Variants in IQCM observed in about 807,000 individuals in gnomAD.
IQCM encodes IQ domain-containing protein M.
IQCM carries 45 observed loss-of-function variants against 57.6 expected under a neutral mutation model. The ratio of observed to expected loss-of-function variants is 0.78; its 90% confidence interval spans 0.62 to 1.00. The LOEUF is 1.00. Ranked by LOEUF, IQCM falls within the 50% of genes least tolerant of loss-of-function variation. The pLI, the probability that IQCM is intolerant of heterozygous loss-of-function variation, is 0.00. For missense variants in IQCM, 468 were observed against 511.6 expected (o/e 0.91, Z 0.82); for synonymous variants, 148 against 158.9 (o/e 0.93, Z 0.51).
chr4:149,747,461 G>A (rs1050066863), intron 2 of IQCM, among the ~76,000 whole-genome samples: 13 of 152,150 alleles, frequency 8.5e-5, no homozygotes, highest in Admixed American at 2.6e-4. Flanking sequence ...TATGCAAGTA[G>A]TTCTAACACC....
chr4:149,801,707 G>A (rs1173646125), intron 2 of IQCM, among the ~76,000 whole-genome samples: 1 of 151,816 alleles, frequency 6.6e-6, no homozygotes, highest in Non-Finnish European at 1.5e-5. Flanking sequence ...TGAACCCACG[G>A]ACATAGAGAG....
intron 12 of IQCM, among the ~76,000 whole-genome samples, chr4:149,541,273 A>G (rs549020768): frequency 1.3e-5 from 2 of 152,226 alleles, no homozygotes; most frequent in African/African-American, 4.8e-5. Flanking sequence ...TGATTCATGT[A>G]ATATCTCAGG....
At chr4:149,529,543 G>A (rs1409899813) in intron 12 of IQCM, among the ~76,000 whole-genome samples, 4 of 152,134 alleles carry the variant, frequency 2.6e-5, no homozygotes, top group Admixed American at 2.6e-4. Flanking sequence ...CCATATGCTA[G>A]GCTACAGGGA....
intron 9 of IQCM, among the ~76,000 whole-genome samples, chr4:149,567,398 G>A (rs1196379582): frequency 2.0e-5 from 3 of 151,862 alleles, no homozygotes; most frequent in Admixed American, 2.0e-4. Flanking sequence ...CCAGGCCGGA[G>A]TGCAGCAGTG....
At chr4:149,613,762 T>C (rs1478670653) in intron 8 of IQCM, among the ~76,000 whole-genome samples, 1 of 152,074 alleles carries the variant, frequency 6.6e-6, no homozygotes, top group Non-Finnish European at 1.5e-5. Flanking sequence ...ATGTTTCCCT[T>C]CCCGTGTCCA....
chr4:149,669,431 T>G (rs1049959505), intron 7 of IQCM, among the ~76,000 whole-genome samples: 5 of 152,128 alleles, frequency 3.3e-5, no homozygotes, highest in Non-Finnish European at 1.5e-5. Context: ...TAGGTTGCCT[T>G]TTCACTCTGA....
intron 8 of IQCM, among the ~76,000 whole-genome samples, chr4:149,612,187 A>G (rs1272500620): frequency 6.6e-6 from 1 of 152,040 alleles, no homozygotes; most frequent in Non-Finnish European, 1.5e-5. Flanking sequence ...GTCCATTCCC[A>G]TGACTCAATT....
At chr4:149,419,784 C>T (rs946469901) in intron 13 of IQCM, among the ~76,000 whole-genome samples, 1 of 151,942 alleles carries the variant, frequency 6.6e-6, no homozygotes, top group Non-Finnish European at 1.5e-5. Flanking sequence ...GAAACTTAAA[C>T]AAATTTACAA....
At chr4:149,654,327 G>T (rs1238304400) in intron 7 of IQCM, among the ~76,000 whole-genome samples, 1 of 152,026 alleles carries the variant, frequency 6.6e-6, no homozygotes, top group African/African-American at 2.4e-5. Flanking sequence ...GAGGTGTTTG[G>T]GCCATGGGGG....
At position 149,520,790 on chromosome 4, in the gene IQCM, C is replaced by T. The variant is rs545131966; in HGVS notation, c.1228+27665G>A. 1.4e-4 allele frequency among the ~76,000 whole-genome samples: 21 copies of T among 152,232 alleles called. 1 individual carries two copies. The highest frequency in any genetic ancestry group is 4.8e-4 in the African/African-American group (20 of 41,538). ...AAGTCTTTCCCAGTTATGTTAGAGT[C>T]TCCAGAAGATATACCACATACCTGT... On this transcript the variant is annotated intron_variant, in intron 12 of 13. Transcript: ENST00000636793.
intron 7 of IQCM, among the ~76,000 whole-genome samples, chr4:149,676,243 A>C (rs1761740624): frequency 6.6e-6 from 1 of 152,068 alleles, no homozygotes; most frequent in South Asian, 2.1e-4. Context: ...GGCTACAGTT[A>C]TTGTATTTAC....
chr4:149,692,008 C>T (rs191480663), intron 5 of IQCM, among the ~76,000 whole-genome samples: 1 of 152,124 alleles, frequency 6.6e-6, no homozygotes, highest in Non-Finnish European at 1.5e-5. Flanking sequence ...ACAGCAGAGA[C>T]AATTAGTACT....
intron 13 of IQCM, among the ~76,000 whole-genome samples, chr4:149,412,273 C>T (rs1436939683): frequency 6.6e-6 from 1 of 152,044 alleles, no homozygotes; most frequent in African/African-American, 2.4e-5. Flanking sequence ...CTAAGAAATT[C>T]CTCAAAACTT....
At chr4:149,645,513 C>G (rs766692170) in intron 7 of IQCM, among the ~76,000 whole-genome samples, 1 of 152,182 alleles carries the variant, frequency 6.6e-6, no homozygotes, top group Non-Finnish European at 1.5e-5. Context: ...CAGAACATTT[C>G]AAGCAATCCA....
intron 12 of IQCM, among the ~76,000 whole-genome samples, chr4:149,542,772 T>C (rs571258968): frequency 1.3e-5 from 2 of 152,274 alleles, no homozygotes; most frequent in Non-Finnish European, 2.9e-5. Flanking sequence ...GAATTATTTA[T>C]GAATAATAGC....
At chr4:149,361,161 T>C (rs556028321) in intron 13 of IQCM, among the ~76,000 whole-genome samples, 1 of 152,294 alleles carries the variant, frequency 6.6e-6, no homozygotes, top group East Asian at 1.9e-4. Flanking sequence ...AGAAAGATGA[T>C]TTAGGGTATC....
intron 13 of IQCM, among the ~76,000 whole-genome samples, chr4:149,397,579 G>T (rs1451870370): frequency 1.3e-5 from 2 of 151,944 alleles, no homozygotes; most frequent in Non-Finnish European, 2.9e-5. Flanking sequence ...ATGATTGTAA[G>T]TTTCCTGAGG....
At position 149,476,609 on chromosome 4, in the gene IQCM, G is replaced by GA. The variant is rs1002620895; in HGVS notation, c.1229-43053dup. Among the ~76,000 whole-genome samples the GA allele has an allele frequency of 7.3e-5, 11 of 149,714 alleles. No individual in the cohort carries two copies. The East Asian group carries it at 9.8e-4, about 13-fold the overall frequency. ...GTATTAATACATTCTTTGTAAACTG[G>GA]AAAAAAAAACCATTATCTTGAAAGG... On this transcript the variant is annotated intron_variant, in intron 12 of 13. Coordinates refer to ENST00000636793, the MANE Select transcript of IQCM (RefSeq NM_001363507.2).
At position 149,393,831 on chromosome 4, in the gene IQCM, T is replaced by C. The variant is rs575712503; in HGVS notation, c.1390+39565A>G. Among the ~76,000 whole-genome samples the C allele has an allele frequency of 2.0e-5, 3 of 152,078 alleles. No individual in the cohort carries two copies. In the South Asian group the frequency reaches 6.2e-4, roughly 32 times the overall value. On this transcript the variant is annotated intron_variant, in intron 13 of 13. Transcript: ENST00000636793. ...ACTTATTATCAACAGCTGCTTAAAA[T>C]TTTTTCTGAAAGATATATTTCTGGA...
Sources: allele counts gnomAD v4.1 joint callset (sites outside exome capture counted in the v4.1 genomes callset), GRCh38; gene constraint gnomAD v4.1.1; transcripts MANE v1.5; gene names NCBI Gene and HGNC (gene_info 2026-07-23, HGNC 2026-07-21).